The following TUT1 variants were observed in gnomAD, a reference collection of about 807,000 sequenced individuals.
TUT1 encodes the protein speckle targeted PIP5K1A-regulated poly(A) polymerase.
In TUT1, 26 loss-of-function variants were observed where a neutral mutation model predicts 48.8. The ratio of observed to expected loss-of-function variants is 0.53; its 90% CI spans 0.39 to 0.74. The LOEUF (loss-of-function observed/expected upper bound fraction) is 0.74. Ranked by LOEUF, TUT1 falls within the 30% of genes least tolerant of loss-of-function variation. The probability of loss-of-function intolerance (pLI) is 0.00; values close to 1 mark genes in which losing one functional copy is unlikely to be tolerated. For missense variants in TUT1, 1,065 were observed against 1,114.8 expected (o/e 0.96, Z 0.64); for synonymous variants, 470 against 460.8 (o/e 1.02, Z -0.26).
At chr11:62,589,448 C>T (rs1941973948) in intron 1 of TUT1, among the ~76,000 whole-genome samples, 1 of 151,912 alleles carries the variant, frequency 6.6e-6, no homozygotes, top group Non-Finnish European at 1.5e-5. Context: ...CTGTCGCCCC[C>T]GCTGGAGTTC....
At chr11:62,581,253 CA>C (rs1565267281) in intron 3 of TUT1, 47 bp from the exon 4 acceptor site, 1 of 1,593,280 alleles carries the variant, frequency 6.3e-7, no homozygotes, top group Non-Finnish European at 8.6e-7. Flanking sequence ...TAGGGAGGAG[CA>C]GGGGGAAGAA....
chr11:62,591,228 TG>T, intron 1 of TUT1, 175 bp downstream of exon 1: 1 of 823,070 alleles, frequency 1.2e-6, no homozygotes, highest in Non-Finnish European at 1.5e-6. Flanking sequence ...GAGTGTAATG[TG>T]GTGGAACTTT....
intron 7 of TUT1, 74 bp from the exon 8 acceptor site, chr11:62,576,823 A>T: frequency 1.3e-6 from 2 of 1,593,562 alleles, no homozygotes; most frequent in Non-Finnish European, 1.7e-6. Flanking sequence ...GATCTCATTC[A>T]CAGAGCTGCT....
At chr11:62,579,560 A>G (rs1941791846) in intron 4 of TUT1, among the ~76,000 whole-genome samples, 2 of 152,154 alleles carry the variant, frequency 1.3e-5, no homozygotes, top group African/African-American at 4.8e-5. Flanking sequence ...AAAAATAATG[A>G]TAAAACATTT....
chr11:62,575,330 CGCCACCTCCA>C lies in TUT1; in HGVS notation c.2379_2388del (p.Gly794LeufsTer18). 10 of 1,614,172 alleles carry C rather than the reference CGCCACCTCCA, an allele frequency of 6.2e-6. No individual in the cohort carries two copies. The highest frequency in any genetic ancestry group is 8.5e-6 in the Non-Finnish European group (10 of 1,180,036). ...GCCAGCCACCCTGCTCTTGTGCCAG[CGCCACCTCCA>C]GCTCCCTCCTTGGTTTGCTGCTGCA... is the stretch of plus-strand genomic sequence containing the variant. On this transcript the variant is annotated frameshift_variant, in exon 9 of 9. Coordinates refer to ENST00000476907, the MANE Select transcript of TUT1 (RefSeq NM_022830.3). LOFTEE classifies it low-confidence loss of function (END_TRUNC).
chr11:62,586,745 G>C (rs1427304670), intron 2 of TUT1, among the ~76,000 whole-genome samples: 1 of 151,910 alleles, frequency 6.6e-6, no homozygotes, highest in Middle Eastern at 3.2e-3. Context: ...GTGAAACCTG[G>C]TCTCTACTAA....
chr11:62,585,392 A>G (rs1941894977), intron 2 of TUT1, among the ~76,000 whole-genome samples: 1 of 152,176 alleles, frequency 6.6e-6, no homozygotes, highest in South Asian at 2.1e-4. Context: ...AATAAACCAC[A>G]GTTTACCAGA....
At chr11:62,578,176 A>G (rs1409816068) in intron 5 of TUT1, among the ~76,000 whole-genome samples, 6 of 152,154 alleles carry the variant, frequency 3.9e-5, no homozygotes, top group Non-Finnish European at 8.8e-5. Context: ...GGTCCCAAAC[A>G]AGGACAAACT....
intron 2 of TUT1, among the ~76,000 whole-genome samples, chr11:62,588,311 G>C (rs1174586740): frequency 6.6e-6 from 1 of 152,210 alleles, no homozygotes; most frequent in Non-Finnish European, 1.5e-5. Flanking sequence ...CCCAGCATTT[G>C]GGGAGGTTGA....
intron 4 of TUT1, among the ~76,000 whole-genome samples, chr11:62,580,435 G>C (rs978291792): frequency 4.6e-5 from 7 of 151,404 alleles, no homozygotes; most frequent in Non-Finnish European, 7.4e-5. Flanking sequence ...ACTCCATTTT[G>C]GGTGACAGAG....
chr11:62,576,798 G>C (rs1941736439), intron 7 of TUT1, 49 bp from the exon 8 acceptor site: 1 of 1,604,262 alleles, frequency 6.2e-7, no homozygotes, highest in African/African-American at 1.3e-5. Context: ...AGGAGATTGA[G>C]GGTGGGGGTA....
At chr11:62,585,663 T>C (rs1941900313) in intron 2 of TUT1, among the ~76,000 whole-genome samples, 1 of 151,988 alleles carries the variant, frequency 6.6e-6, no homozygotes, top group African/African-American at 2.4e-5. Flanking sequence ...GAAACCCGTC[T>C]CTACTAAAAA....
At position 62,576,384 on chromosome 11, in the gene TUT1, T is replaced by C. The variant is rs1349500555; in HGVS notation, c.1475-140A>G. 25 of 1,120,038 alleles carry C rather than the reference T, an allele frequency of 2.2e-5. No homozygotes were observed. The East Asian group carries it at 6.2e-4, about 28-fold the overall frequency. The allele number at this position is 1,120,038 out of a possible 1,614,324, so 69.4% of individuals were successfully genotyped here. ...AGAGTCCCAGGAAGCTAGGCTTCTC[T>C]GATCCCTATAAACAAGAGGTCAAAC... is the stretch of plus-strand genomic sequence containing the variant. On this transcript the variant is annotated intron_variant, in intron 8 of 8. Coordinates refer to ENST00000476907, the MANE Select transcript of TUT1 (RefSeq NM_022830.3).
At chr11:62,591,049 G>C (rs1043231538) in intron 1 of TUT1, among the ~76,000 whole-genome samples, 1 of 152,012 alleles carries the variant, frequency 6.6e-6, no homozygotes, top group Non-Finnish European at 1.5e-5. Flanking sequence ...TATCTATAAA[G>C]CATTGAAACT....
intron 1 of TUT1, among the ~76,000 whole-genome samples, chr11:62,590,688 C>A (rs1380976076): frequency 6.6e-6 from 1 of 151,380 alleles, no homozygotes; most frequent in Non-Finnish European, 1.5e-5. Flanking sequence ...TGGTGCACAC[C>A]TGTAGACTCA....
At chr11:62,582,515 G>C in intron 2 of TUT1, 1 of 433,062 alleles carries the variant, frequency 2.3e-6, no homozygotes, top group South Asian at 1.6e-5. Flanking sequence ...AGCATCACTT[G>C]GGCCCAGGAT....
At chr11:62,579,082 G>T (rs1287120420) in intron 4 of TUT1, 52 bp from the exon 5 acceptor site, 1 of 1,313,866 alleles carries the variant, frequency 7.6e-7, no homozygotes. Context: ...CCTAAGCAGG[G>T]ATCTCTCAAG....
intron 4 of TUT1, among the ~76,000 whole-genome samples, chr11:62,579,687 T>TG (rs1226214766): frequency 2.0e-5 from 3 of 146,932 alleles, no homozygotes; most frequent in Non-Finnish European, 3.0e-5. Flanking sequence ...TTTTTTGAGA[T>TG]GGAGTCTCAA....
intron 2 of TUT1, among the ~76,000 whole-genome samples, chr11:62,583,501 C>T (rs1941863915): frequency 6.6e-6 from 1 of 151,820 alleles, no homozygotes; most frequent in Admixed American, 6.6e-5. Context: ...CCCAGCTACT[C>T]AGGAGGCAAT....
Sources: gnomAD v4.1 joint callset for allele counts (sites outside exome capture counted in the v4.1 genomes callset) on GRCh38, gnomAD v4.1.1 for gene constraint, MANE v1.5 for transcripts, NCBI Gene and HGNC (gene_info 2026-07-23, HGNC 2026-07-21) for gene names.